The following SMOC2 variants were observed in gnomAD, a reference collection of about 807,000 sequenced individuals.
The protein encoded by SMOC2 is SPARC-related modular calcium-binding protein 2.
A neutral mutation model predicts 61.4 loss-of-function variants in SMOC2; 39 were observed. The observed-to-expected ratio is 0.64, with a 90% CI of 0.49 to 0.83. SMOC2 has a LOEUF of 0.83. Among genes scored for constraint, SMOC2 ranks in the 40% least tolerant of loss-of-function variants. SMOC2 has a pLI of 0.00. For missense variants in SMOC2, 556 were observed against 592.9 expected, an observed-to-expected ratio of 0.94 and a Z score of 0.65; for synonymous variants, 247 against 239.9, an observed-to-expected ratio of 1.03 and a Z score of -0.27.
chr6:168,519,056 CAT>C lies in SMOC2; in HGVS notation c.257-7287_257-7286del, dbSNP rs371289722. Among the ~76,000 whole-genome samples the C allele has an allele frequency of 3.1e-3, 421 of 137,938 alleles. 1 individual carries two copies. The highest frequency in any genetic ancestry group is 0.016 in the East Asian group (73 of 4,526). 90.5% of individuals were successfully genotyped at this position (137,938 alleles called of 152,430 possible). A position where few individuals can be genotyped will look rare whatever the true frequency, so the allele number is the denominator to read the frequency against. On this transcript the variant is annotated intron_variant, in intron 2 of 12. Transcript: ENST00000356284. ...GTGTATGTGTGCATGTGTGAGCATG[CAT>C]ATGTGTGTGAGTGTATGTATGCGTG... is the stretch of plus-strand genomic sequence containing the variant.
chr6:168,558,871 A>ATGTG lies in SMOC2; in HGVS notation c.637+9673_637+9676dup, dbSNP rs149329004. Among the ~76,000 whole-genome samples the ATGTG allele has an allele frequency of 1.5e-4, 22 of 148,738 alleles. 1 individual carries two copies. In the East Asian group the frequency reaches 3.9e-3, roughly 26 times the overall value. ...TGTGCGCGTGTGCGCATGTGTGTGCATGTGTGTGCGTGTGTGCGTGTGCAT... is the reference window on the plus strand; with the variant it reads ...TGTGCGCGTGTGCGCATGTGTGTGCATGTGTGTGTGTGCGTGTGTGCGTGTGCAT... On this transcript the variant is annotated intron_variant, in intron 7 of 12. Coordinates refer to ENST00000356284, the MANE Select transcript of SMOC2 (RefSeq NM_001166412.2).
chr6:168,517,956 C>G (rs1783184678), intron 2 of SMOC2, among the ~76,000 whole-genome samples: 1 of 152,242 alleles, frequency 6.6e-6, no homozygotes, highest in African/African-American at 2.4e-5. Context: ...TCTGTCCTCG[C>G]GTCTCTAGAA....
chr6:168,635,700 G>A (rs557663664), intron 9 of SMOC2, among the ~76,000 whole-genome samples: 5 of 151,854 alleles, frequency 3.3e-5, no homozygotes, highest in Admixed American at 6.6e-5. Context: ...GTGAAACCCC[G>A]TCTCTACTAA....
At chr6:168,613,697 A>T (rs1353112293) in intron 9 of SMOC2, among the ~76,000 whole-genome samples, 5 of 134,302 alleles carry the variant, frequency 3.7e-5, no homozygotes, top group Admixed American at 7.3e-5. Context: ...GCCTCTTCAC[A>T]CCTACAGCCA....
At position 168,598,816 on chromosome 6, in the gene SMOC2, A is replaced by G; in HGVS notation, c.638-2A>G. On this transcript the variant is annotated splice_acceptor_variant, in intron 7 of 12. Coordinates refer to ENST00000356284, the MANE Select transcript of SMOC2 (RefSeq NM_001166412.2). LOFTEE classifies it high-confidence loss of function. The stretch of plus-strand genomic sequence containing the variant: ...CACCTTTTGCCTTCTTCTTCCCCGC[A>G]GTGTCATCCTGTGACCAAGAGCACC... The G allele has an allele frequency of 6.2e-7, 1 of 1,613,580 alleles. No homozygotes were observed. Among genetic ancestry groups the G allele is most frequent in the South Asian group, 1.1e-5 (1 of 91,078 alleles).
intron 5 of SMOC2, among the ~76,000 whole-genome samples, chr6:168,546,135 G>A (rs981892554): frequency 4.0e-5 from 6 of 151,398 alleles, no homozygotes; most frequent in African/African-American, 1.5e-4. Flanking sequence ...TAGACCACTG[G>A]GAAGTTCATG....
In SMOC2 at chr6:168,534,444, C is replaced by G. The variant is rs375851862; in HGVS notation, c.463+6717C>G. On this transcript the variant is annotated intron_variant, in intron 4 of 12. Coordinates refer to ENST00000356284, the MANE Select transcript of SMOC2 (RefSeq NM_001166412.2). ...GGAGGTCCCTGCGTCTGCCAGGGCC[C>G]GGACTGGAAGTCAGGTTCCCCTGCG... 7.1e-4 allele frequency among the ~76,000 whole-genome samples: 108 copies of G among 152,364 alleles called. 1 individual carries two copies. Among genetic ancestry groups the G allele is most frequent in the Middle Eastern group, 3.4e-3 (1 of 294 alleles).
At chr6:168,530,776 T>C (rs907986371) in intron 4 of SMOC2, among the ~76,000 whole-genome samples, 2 of 151,994 alleles carry the variant, frequency 1.3e-5, no homozygotes, top group African/African-American at 4.8e-5. Context: ...CCCCTTTGCA[T>C]GTGGGTGATT....
intron 11 of SMOC2, among the ~76,000 whole-genome samples, chr6:168,656,831 G>A (rs1160871316): frequency 4.6e-5 from 7 of 152,250 alleles, no homozygotes; most frequent in African/African-American, 1.4e-4. Flanking sequence ...TAGGGTCTTT[G>A]TGGTTAATGC....
chr6:168,613,240 G>A (rs1189635071), intron 9 of SMOC2, among the ~76,000 whole-genome samples: 1 of 152,208 alleles, frequency 6.6e-6, no homozygotes, highest in East Asian at 1.9e-4. Context: ...TCAGGAAGGT[G>A]CAGGGGAAGT....
Position 168,452,532 on chromosome 6 carries a change from A to G in SMOC2, c.84+11078A>G, listed in dbSNP as rs922932607. On this transcript the variant is annotated intron_variant, in intron 1 of 12. Transcript: ENST00000356284. This position sits in a 1 kb window ranked among gnomAD's most constrained non-coding sequence, Gnocchi z 5.0. ...TGAATATTATATTTCAGTGTTCTCCAGTAATAGGATTCTCAGACATGTGAT... is the reference window on the plus strand; with the variant it reads ...TGAATATTATATTTCAGTGTTCTCCGGTAATAGGATTCTCAGACATGTGAT... 1.3e-5 allele frequency among the ~76,000 whole-genome samples: 2 copies of G among 152,220 alleles called. No individual in the cohort carries two copies. The highest frequency in any genetic ancestry group is 4.8e-5 in the African/African-American group (2 of 41,442).
chr6:168,562,726 C>T (rs892497563), intron 7 of SMOC2, among the ~76,000 whole-genome samples: 2 of 152,168 alleles, frequency 1.3e-5, no homozygotes, highest in African/African-American at 2.4e-5. Flanking sequence ...AATGCACTCA[C>T]ATTTCAGAGG....
At chr6:168,498,226 C>T (rs1020847705) in intron 1 of SMOC2, among the ~76,000 whole-genome samples, 3 of 152,174 alleles carry the variant, frequency 2.0e-5, no homozygotes, top group Admixed American at 1.3e-4. Flanking sequence ...GGTATCTTGG[C>T]GTTTGGATGC....
intron 11 of SMOC2, among the ~76,000 whole-genome samples, chr6:168,659,681 G>A (rs1485496288): frequency 6.9e-5 from 10 of 145,942 alleles, no homozygotes; most frequent in South Asian, 2.3e-4. Flanking sequence ...TGAGGGTGGA[G>A]GTTGTAGGTA....
At chr6:168,451,559 C>T (rs192596224) in intron 1 of SMOC2, among the ~76,000 whole-genome samples, 20 of 151,612 alleles carry the variant, frequency 1.3e-4, no homozygotes, top group Admixed American at 6.6e-4. Flanking sequence ...AGAATCCCTG[C>T]CAGGCAGCTC....
At chr6:168,650,156 G>A (rs973888373) in intron 9 of SMOC2, among the ~76,000 whole-genome samples, 11 of 152,176 alleles carry the variant, frequency 7.2e-5, no homozygotes, top group African/African-American at 2.2e-4. Flanking sequence ...TGGACTGTTC[G>A]TGCCAATGCC....
chr6:168,477,312 G>C (rs935670986), intron 1 of SMOC2, among the ~76,000 whole-genome samples: 1 of 152,188 alleles, frequency 6.6e-6, no homozygotes, highest in Admixed American at 6.5e-5. Context: ...ACACTGGCTG[G>C]CCCTGATGCA....
chr6:168,490,133 A>G (rs113325747), intron 1 of SMOC2, among the ~76,000 whole-genome samples: 536 of 150,448 alleles, frequency 3.6e-3, no homozygotes, highest in African/African-American at 0.013. Context: ...AGTGAAATAT[A>G]TCAAATCGTC....
chr6:168,642,664 A>G (rs755517174), intron 9 of SMOC2, among the ~76,000 whole-genome samples: 5 of 152,206 alleles, frequency 3.3e-5, no homozygotes, highest in Non-Finnish European at 5.9e-5. Context: ...GCCCTTGAGG[A>G]TGACGCGCTG....
Sources: allele counts gnomAD v4.1 joint callset (sites outside exome capture counted in the v4.1 genomes callset), GRCh38; gene constraint gnomAD v4.1.1; non-coding constraint Gnocchi (gnomAD v3.1); transcripts MANE v1.5; gene names NCBI Gene and HGNC (gene_info 2026-07-23, HGNC 2026-07-21).